The following SLC6A11 variants were observed in gnomAD, a reference collection of about 807,000 sequenced individuals.
SLC6A11 encodes the protein sodium- and chloride-dependent GABA transporter 3.
In SLC6A11, 25 loss-of-function variants were observed where a neutral mutation model predicts 74.8. The observed-to-expected ratio is 0.33, with a 90% CI of 0.24 to 0.47. The LOEUF is 0.47. Ranked by LOEUF, SLC6A11 falls within the 20% of genes least tolerant of loss-of-function variation. SLC6A11 has a pLI of 1.00. For synonymous variants in SLC6A11, 330 were observed against 330.2 expected, an observed-to-expected ratio of 1.00 and a Z score of 0.01; for missense variants, 574 against 837.0, an observed-to-expected ratio of 0.69 and a Z score of 3.88.
chr3:10,897,531 G>T (rs1695185379), intron 6 of SLC6A11, among the ~76,000 whole-genome samples: 1 of 152,234 alleles, frequency 6.6e-6, no homozygotes, highest in South Asian at 2.1e-4. Flanking sequence ...CAGCAGGGCA[G>T]TCAAATCTTA....
chr3:10,852,503 G>T (rs765395639), intron 5 of SLC6A11, among the ~76,000 whole-genome samples: 3 of 152,242 alleles, frequency 2.0e-5, no homozygotes, highest in Non-Finnish European at 4.4e-5. Flanking sequence ...TTTGCGACTT[G>T]GTAATACCGT....
chr3:10,929,669 C>T (rs150577399), intron 10 of SLC6A11, among the ~76,000 whole-genome samples: 1 of 152,310 alleles, frequency 6.6e-6, no homozygotes, highest in Non-Finnish European at 1.5e-5. Flanking sequence ...GGTGAAGCAA[C>T]AACGTCAGCT....
Position 10,900,379 on chromosome 3 carries a change from G to C in SLC6A11, c.892-11711G>C, listed in dbSNP as rs905608420. Among the ~76,000 whole-genome samples, 72 of 152,174 alleles carry C rather than the reference G, an allele frequency of 4.7e-4. 1 individual carries two copies. Among genetic ancestry groups the C allele is most frequent in the Non-Finnish European group, 2.4e-4 (16 of 68,040 alleles). On this transcript the variant is annotated intron_variant, in intron 6 of 13. Transcript: ENST00000254488. ...TATCATGTGTCAGCAATGCGCAAAG[G>C]GTTGGGGATTCAAAAGTGAGAAAGC...
At chr3:10,889,198 C>T (rs1174551749) in intron 6 of SLC6A11, among the ~76,000 whole-genome samples, 1 of 152,136 alleles carries the variant, frequency 6.6e-6, no homozygotes, top group Non-Finnish European at 1.5e-5. Flanking sequence ...TCCCAACACC[C>T]ATTTCCCATA....
intron 5 of SLC6A11, among the ~76,000 whole-genome samples, chr3:10,850,043 A>G (rs1694554246): frequency 6.6e-6 from 1 of 152,162 alleles, no homozygotes; most frequent in South Asian, 2.1e-4. Flanking sequence ...TCATTGCAGT[A>G]GAGACTATGT....
intron 12 of SLC6A11, 122 bp downstream of exon 12, chr3:10,934,288 G>C (rs1695729973): frequency 3.0e-6 from 2 of 669,584 alleles, no homozygotes; most frequent in African/African-American, 1.8e-5. Flanking sequence ...GATGTCCCCT[G>C]GTTCAGGCCA....
At chr3:10,843,047 G>T (rs767625516) in intron 4 of SLC6A11, among the ~76,000 whole-genome samples, 1 of 152,156 alleles carries the variant, frequency 6.6e-6, no homozygotes, top group Non-Finnish European at 1.5e-5. Flanking sequence ...GGTCTGATGG[G>T]GGTTGGTTTG....
chr3:10,914,531 G>C (rs1193067144), intron 7 of SLC6A11, among the ~76,000 whole-genome samples: 1 of 152,292 alleles, frequency 6.6e-6, no homozygotes, highest in East Asian at 1.9e-4. Flanking sequence ...AGAATCCAGT[G>C]TGCCATCAGG....
Position 10,849,336 on chromosome 3 carries a change from G to A in SLC6A11, c.756+4990G>A, listed in dbSNP as rs140269411. Among the ~76,000 whole-genome samples, 14 of 152,264 alleles carry A rather than the reference G, an allele frequency of 9.2e-5. No individual in the cohort carries two copies. The East Asian group carries it at 1.4e-3, about 15-fold the overall frequency. On this transcript the variant is annotated intron_variant, in intron 5 of 13. Coordinates refer to ENST00000254488, the MANE Select transcript of SLC6A11 (RefSeq NM_014229.3). ...AATTAAGTGACCAGAAAGTAGAGAC[G>A]TCTTTGTGATTTTCCTATGTCATTG...
chr3:10,889,406 A>G (rs1036204474), intron 6 of SLC6A11, among the ~76,000 whole-genome samples: 3 of 152,158 alleles, frequency 2.0e-5, no homozygotes, highest in South Asian at 2.1e-4. Context: ...CCACTGCAGT[A>G]TCACACAGAG....
intron 6 of SLC6A11, among the ~76,000 whole-genome samples, chr3:10,898,511 A>C (rs373194387): frequency 6.6e-6 from 1 of 152,206 alleles, no homozygotes; most frequent in African/African-American, 2.4e-5. Flanking sequence ...AAGTTCCACA[A>C]ATATCTAGGA....
chr3:10,875,809 C>T (rs1057160068), intron 6 of SLC6A11, among the ~76,000 whole-genome samples: 5 of 152,176 alleles, frequency 3.3e-5, no homozygotes, highest in Non-Finnish European at 5.9e-5. Context: ...TCTCACAAGC[C>T]TGGTGGTTCT....
At chr3:10,873,685 GTCCCATCCTA>G (rs1694867737) in intron 5 of SLC6A11, among the ~76,000 whole-genome samples, 1 of 48,046 alleles carries the variant, frequency 2.1e-5, no homozygotes, top group African/African-American at 1.0e-4. Context: ...ATCCTATCCC[GTCCCATCCTA>G]TCCTATCCTA....
At chr3:10,923,662 A>G (rs1342034026) in intron 8 of SLC6A11, among the ~76,000 whole-genome samples, 4 of 152,304 alleles carry the variant, frequency 2.6e-5, no homozygotes, top group Admixed American at 6.5e-5. Context: ...AGACCCACCA[A>G]TGGATACTAA....
intron 6 of SLC6A11, among the ~76,000 whole-genome samples, chr3:10,884,589 G>A (rs954849751): frequency 1.2e-4 from 18 of 152,302 alleles, no homozygotes; most frequent in Non-Finnish European, 8.8e-5. Flanking sequence ...TGAGGGATAC[G>A]GTACTGAAAC....
chr3:10,917,996 T>G (rs1258645465), intron 7 of SLC6A11, among the ~76,000 whole-genome samples: 1 of 152,236 alleles, frequency 6.6e-6, no homozygotes, highest in Non-Finnish European at 1.5e-5. Context: ...CTTTCTCTCC[T>G]ACCAGGGACT....
intron 8 of SLC6A11, among the ~76,000 whole-genome samples, chr3:10,923,165 C>A (rs1468643121): frequency 6.6e-6 from 1 of 150,942 alleles, no homozygotes; most frequent in South Asian, 2.1e-4. Context: ...TCTTTGTGTG[C>A]TGAGAGGGCC....
chr3:10,883,502 T>C (rs1427308020), intron 6 of SLC6A11, among the ~76,000 whole-genome samples: 4 of 152,140 alleles, frequency 2.6e-5, no homozygotes, highest in East Asian at 1.9e-4. Flanking sequence ...CCACCTCCTC[T>C]GTGCAGGGAA....
intron 5 of SLC6A11, among the ~76,000 whole-genome samples, chr3:10,845,452 A>G (rs2062366): frequency 0.33 from 49,814 of 152,096 alleles, 8,448 homozygotes; most frequent in South Asian, 0.53. Flanking sequence ...CCTCCTTGCC[A>G]GCCTCCTTCC....
Sources: allele counts gnomAD v4.1 joint callset (sites outside exome capture counted in the v4.1 genomes callset), GRCh38; gene constraint gnomAD v4.1.1; transcripts MANE v1.5; gene names NCBI Gene and HGNC (gene_info 2026-07-23, HGNC 2026-07-21).